Variants in SBF2 observed in about 807,000 individuals in gnomAD.
SBF2 encodes the protein myotubularin-related protein 13.
SBF2 carries 112 observed loss-of-function variants against 225.2 expected under a neutral mutation model. The observed-to-expected ratio is 0.50, with a 90% CI of 0.43 to 0.58. SBF2 has a LOEUF of 0.58. SBF2 is among the 20% of genes least tolerant of loss of function. SBF2 has a pLI of 0.00. For synonymous variants in SBF2, 763 were observed against 773.3 expected (o/e 0.99, Z 0.22); for missense variants, 1,996 against 2,206.2 (o/e 0.90, Z 1.91).
chr11:10,127,051 T>G (rs1473355442), intron 2 of SBF2, among the ~76,000 whole-genome samples: 2 of 150,976 alleles, frequency 1.3e-5, no homozygotes, highest in Non-Finnish European at 3.0e-5. Context: ...AAATTGAGAG[T>G]TTTTTAAAAA....
At chr11:10,137,512 T>C (rs1331681279) in intron 2 of SBF2, among the ~76,000 whole-genome samples, 5 of 152,226 alleles carry the variant, frequency 3.3e-5, no homozygotes, top group African/African-American at 7.2e-5. Flanking sequence ...CACCAGTAAG[T>C]ATAATGTTAC....
chr11:10,042,932 G>A lies in SBF2; in HGVS notation c.191C>T (p.Thr64Met). ...WQLSRERKQP[T>M]FFVVVLTDID... ...GTCTGTCAGGACAACCACAAAGAAC[G>A]TTGGCTGCTTCCTCTCTCTGGACAG... is the stretch of plus-strand genomic sequence containing the variant. Residue 64 changes from threonine to methionine, a missense_variant, in exon 3 of 40, where the codon ACG (threonine) becomes ATG (methionine). Thr to Met is a moderately conservative substitution (Grantham distance 81). Transcript: ENST00000256190. 2 of 1,613,904 alleles carry A rather than the reference G, an allele frequency of 1.2e-6. No individual in the cohort carries two copies. Among genetic ancestry groups the A allele is most frequent in the Non-Finnish European group, 1.7e-6 (2 of 1,179,862 alleles).
At chr11:9,925,296 A>T (rs1007572703) in intron 16 of SBF2, among the ~76,000 whole-genome samples, 3 of 152,032 alleles carry the variant, frequency 2.0e-5, no homozygotes, top group Non-Finnish European at 4.4e-5. Flanking sequence ...ATATATATAT[A>T]TATATTTTTA....
At chr11:10,072,847 G>A (rs1950944765) in intron 2 of SBF2, among the ~76,000 whole-genome samples, 3 of 150,126 alleles carry the variant, frequency 2.0e-5, no homozygotes, top group African/African-American at 7.4e-5. Flanking sequence ...TCATGATCCT[G>A]TCAAGTAGCT....
At chr11:9,951,762 A>G (rs1057044970) in intron 16 of SBF2, among the ~76,000 whole-genome samples, 3 of 152,222 alleles carry the variant, frequency 2.0e-5, no homozygotes, top group East Asian at 1.9e-4. Context: ...CAGGACAATT[A>G]TAAGTGCTGA....
intron 1 of SBF2, among the ~76,000 whole-genome samples, chr11:10,287,069 AAT>A (rs1963844568): frequency 6.6e-6 from 1 of 152,262 alleles, no homozygotes; most frequent in South Asian, 2.1e-4. Flanking sequence ...AACAACTGCC[AAT>A]AAATTCAACA....
intron 16 of SBF2, among the ~76,000 whole-genome samples, chr11:9,928,713 T>C (rs1222349516): frequency 6.6e-6 from 1 of 152,222 alleles, no homozygotes; most frequent in Non-Finnish European, 1.5e-5. Context: ...TTCATTAACA[T>C]GTGAATGGAT....
intron 2 of SBF2, among the ~76,000 whole-genome samples, chr11:10,161,184 C>CAAAAAAAAAAAAAAAAAAAAAAAAAA (rs56779207): frequency 4.0e-5 from 3 of 75,352 alleles, no homozygotes; most frequent in African/African-American, 5.3e-5. Flanking sequence ...GACTCTGTCT[C>CAAAAAAAAAAAAAAAAAAAAAAAAAA]AAAAAAAAAA....
At chr11:10,227,332 T>C (rs1302573147) in intron 1 of SBF2, among the ~76,000 whole-genome samples, 7 of 152,258 alleles carry the variant, frequency 4.6e-5, no homozygotes, top group South Asian at 4.1e-4. Context: ...TTAATTAGAT[T>C]CCATTTGTCT....
chr11:10,294,478 C>T (rs1283992513), upstream of SBF2, among the ~76,000 whole-genome samples: 2 of 152,220 alleles, frequency 1.3e-5, no homozygotes, highest in African/African-American at 4.8e-5. Context: ...TCCTTCCTTC[C>T]GCCTTCTCTA....
chr11:10,289,913 G>C (rs1964055704), intron 1 of SBF2, among the ~76,000 whole-genome samples: 1 of 152,140 alleles, frequency 6.6e-6, no homozygotes, highest in South Asian at 2.1e-4. Flanking sequence ...GTCCTGCCCA[G>C]AGGCACAAGG....
intron 1 of SBF2, among the ~76,000 whole-genome samples, chr11:10,195,397 T>C (rs1384574240): frequency 4.6e-5 from 7 of 152,338 alleles, no homozygotes; most frequent in Middle Eastern, 3.4e-3. Flanking sequence ...AAACTGGGGA[T>C]GGAAGGTACA....
chr11:10,078,321 C>A (rs1565204969), intron 2 of SBF2, among the ~76,000 whole-genome samples: 3 of 152,188 alleles, frequency 2.0e-5, no homozygotes. Context: ...TATAAAGACA[C>A]ATGAACACAT....
At chr11:9,799,957 GC>G (rs1334583263) in intron 32 of SBF2, among the ~76,000 whole-genome samples, 6 of 152,168 alleles carry the variant, frequency 3.9e-5, no homozygotes, top group African/African-American at 1.4e-4. Context: ...TAAGCTGTTG[GC>G]CGGGCATAGT....
Position 9,992,492 on chromosome 11 carries a change from C to G in SBF2, c.1219G>C (p.Val407Leu). The G allele has an allele frequency of 6.2e-7, 1 of 1,613,214 alleles. No individual in the cohort carries two copies. Among genetic ancestry groups the G allele is most frequent in the Non-Finnish European group, 8.5e-7 (1 of 1,179,450 alleles). ...CCTGCAAATGCCATTCCACTGAGTA[C>G]TTTAGTGAGGAAATCATTCTCGACC... ...GLVENDFLTK[V>L]LSGMAFAGFV... Residue 407 changes from valine to leucine, a missense_variant, in exon 12 of 40, where the codon GTA (valine) becomes CTA (leucine). Coordinates refer to ENST00000256190, the MANE Select transcript of SBF2 (RefSeq NM_030962.4).
chr11:10,115,365 A>G (rs1172050333), intron 2 of SBF2, among the ~76,000 whole-genome samples: 1 of 152,220 alleles, frequency 6.6e-6, no homozygotes, highest in Non-Finnish European at 1.5e-5. Context: ...CTAAGAGTTT[A>G]CATAATCCTT....
chr11:10,147,485 G>A (rs1281923928), intron 2 of SBF2, among the ~76,000 whole-genome samples: 1 of 152,032 alleles, frequency 6.6e-6, no homozygotes, highest in Non-Finnish European at 1.5e-5. Flanking sequence ...ACCAAATACT[G>A]CATGTTCTCA....
At chr11:10,156,918 T>C (rs1955503895) in intron 2 of SBF2, among the ~76,000 whole-genome samples, 1 of 152,198 alleles carries the variant, frequency 6.6e-6, no homozygotes, top group Non-Finnish European at 1.5e-5. Context: ...AAAAAAACTA[T>C]TTTATAATTC....
chr11:10,159,740 A>C (rs1955642658), intron 2 of SBF2, among the ~76,000 whole-genome samples: 1 of 152,142 alleles, frequency 6.6e-6, no homozygotes, highest in Admixed American at 6.5e-5. Flanking sequence ...AATACAAAAA[A>C]TTAGCCGGGC....
Sources: gnomAD v4.1 joint callset for allele counts (sites outside exome capture counted in the v4.1 genomes callset) on GRCh38, gnomAD v4.1.1 for gene constraint, MANE v1.5 for transcripts, NCBI Gene and HGNC (gene_info 2026-07-23, HGNC 2026-07-21) for gene names.